TRAK1: variants seen among roughly 807,000 people sequenced by gnomAD.
TRAK1 encodes the protein trafficking kinesin-binding protein 1.
A neutral mutation model predicts 92.1 loss-of-function variants in TRAK1; 33 were observed. That is an observed-to-expected ratio of 0.36 (90% CI 0.27 to 0.48). The LOEUF (loss-of-function observed/expected upper bound fraction) is 0.48. Ranked by LOEUF, TRAK1 falls within the 20% of genes least tolerant of loss-of-function variation. The pLI is 0.99. For synonymous variants in TRAK1, 521 were observed against 517.3 expected (o/e 1.01, Z -0.10); for missense variants, 1,123 against 1,257.9 (o/e 0.89, Z 1.62).
intron 2 of TRAK1, among the ~76,000 whole-genome samples, chr3:42,143,291 CTTT>C (rs1365573494): frequency 1.1e-4 from 16 of 142,688 alleles, no homozygotes; most frequent in Admixed American, 2.1e-4. Flanking sequence ...TCTTTATCTT[CTTT>C]AATTGTACCT....
chr3:42,119,841 G>T lies in TRAK1; in HGVS notation c.92-5579G>T, dbSNP rs1709620376. On this transcript the variant is annotated intron_variant, in intron 1 of 15. Transcript: ENST00000327628. ...TGACCAAAAGGAAGAAGTGGCAATTGCATACTGGGAAACACTCAGTAGCCT... is the reference window on the plus strand; with the variant it reads ...TGACCAAAAGGAAGAAGTGGCAATTTCATACTGGGAAACACTCAGTAGCCT... 3.3e-5 allele frequency among the ~76,000 whole-genome samples: 5 copies of T among 152,306 alleles called. No homozygotes were observed. In the South Asian group the frequency reaches 1.0e-3, roughly 32 times the overall value.
At chr3:42,121,487 C>T (rs180987512) in intron 1 of TRAK1, among the ~76,000 whole-genome samples, 3 of 151,906 alleles carry the variant, frequency 2.0e-5, no homozygotes, top group African/African-American at 7.3e-5. Context: ...TCTCGATCTC[C>T]TGACCTCGTG....
chr3:42,094,642 A>G (rs1705633648), intron 1 of TRAK1, among the ~76,000 whole-genome samples: 1 of 152,078 alleles, frequency 6.6e-6, no homozygotes, highest in South Asian at 2.1e-4. Flanking sequence ...AAAGTGTTGG[A>G]ATTATAGGTA....
At chr3:42,062,166 T>C (rs943679451) in intron 1 of TRAK1, among the ~76,000 whole-genome samples, 1 of 152,296 alleles carries the variant, frequency 6.6e-6, no homozygotes, top group South Asian at 2.1e-4. Flanking sequence ...ATGTCCACTT[T>C]CCTGTGGATG....
At chr3:42,037,714 T>G (rs570806511) in intron 1 of TRAK1, among the ~76,000 whole-genome samples, 26 of 152,364 alleles carry the variant, frequency 1.7e-4, no homozygotes, top group Admixed American at 1.7e-3. Context: ...TCGTGACCTG[T>G]GTCTGGAGAG....
intron 3 of TRAK1, among the ~76,000 whole-genome samples, chr3:42,178,315 T>A (rs1287472869): frequency 6.6e-6 from 1 of 152,114 alleles, no homozygotes; most frequent in Non-Finnish European, 1.5e-5. Flanking sequence ...TCTGTAAAGC[T>A]CCTCGCTGTG....
At chr3:42,054,046 C>T (rs1670455209) in intron 1 of TRAK1, among the ~76,000 whole-genome samples, 1 of 152,182 alleles carries the variant, frequency 6.6e-6, no homozygotes. Flanking sequence ...TAGTGAGCAC[C>T]TGCTAATTAC....
At chr3:42,116,315 T>C (rs764398607) in intron 1 of TRAK1, among the ~76,000 whole-genome samples, 4 of 152,266 alleles carry the variant, frequency 2.6e-5, no homozygotes, top group Non-Finnish European at 4.4e-5. Context: ...TTTTTAGCTC[T>C]AATGTCCTCT....
At chr3:42,159,157 C>T (rs986894590) in intron 2 of TRAK1, among the ~76,000 whole-genome samples, 2 of 152,030 alleles carry the variant, frequency 1.3e-5, no homozygotes, top group Non-Finnish European at 2.9e-5. Context: ...GAATTCTCGG[C>T]CCTAAGGATT....
intron 14 of TRAK1, chr3:42,219,038 T>G (rs729822): frequency 0.43 from 419,898 of 985,104 alleles, 91,567 homozygotes; most frequent in African/African-American, 0.66. Flanking sequence ...GTTTGCAGGT[T>G]TCAAGTGCCT....
intron 1 of TRAK1, among the ~76,000 whole-genome samples, chr3:42,048,338 A>G (rs753577029): frequency 6.6e-6 from 1 of 152,124 alleles, no homozygotes; most frequent in Non-Finnish European, 1.5e-5. Flanking sequence ...CACAGTGCCC[A>G]AGAGTAATGT....
intron 3 of TRAK1, among the ~76,000 whole-genome samples, chr3:42,179,782 A>G (rs963320800): frequency 6.6e-6 from 1 of 152,236 alleles, no homozygotes; most frequent in Non-Finnish European, 1.5e-5. Flanking sequence ...TCTTGGGGGA[A>G]TAAAGGAACT....
intron 2 of TRAK1, among the ~76,000 whole-genome samples, chr3:42,162,317 A>T (rs778321654): frequency 1.8e-4 from 28 of 151,628 alleles, no homozygotes; most frequent in Non-Finnish European, 3.7e-4. Flanking sequence ...ATATAAATAT[A>T]TGACGAGAGA....
At chr3:42,210,069 G>A (rs1473824729) in intron 14 of TRAK1, 84 bp downstream of exon 14, 1 of 1,608,262 alleles carries the variant, frequency 6.2e-7, no homozygotes, top group Non-Finnish European at 8.5e-7. Flanking sequence ...GGAGATGCAG[G>A]AGCCGCCAGC....
At chr3:42,085,747 C>T (rs575519353), upstream of TRAK1, among the ~76,000 whole-genome samples, 113 of 152,234 alleles carry the variant, frequency 7.4e-4, no homozygotes, top group African/African-American at 2.6e-3. Context: ...GGTCTCAGGA[C>T]GCCTCAAAGT....
At chr3:42,196,694 C>T (rs566084555) in intron 10 of TRAK1, among the ~76,000 whole-genome samples, 174 of 128,394 alleles carry the variant, frequency 1.4e-3, no homozygotes, top group African/African-American at 4.3e-3. Flanking sequence ...TGTGCCACCA[C>T]GCCCGGCTAA....
upstream of TRAK1, among the ~76,000 whole-genome samples, chr3:42,086,080 C>T (rs532789706): frequency 5.3e-5 from 8 of 152,270 alleles, no homozygotes; most frequent in East Asian, 1.4e-3. Flanking sequence ...TCCTGTTTGA[C>T]GTTTTGTGTG....
chr3:42,148,687 A>G (rs1258219690), intron 2 of TRAK1, among the ~76,000 whole-genome samples: 2 of 152,156 alleles, frequency 1.3e-5, no homozygotes, highest in African/African-American at 4.8e-5. Context: ...CTCTATTTGT[A>G]TGTGACAGGC....
intron 1 of TRAK1, among the ~76,000 whole-genome samples, chr3:42,114,738 A>T (rs958581741): frequency 6.6e-6 from 1 of 151,696 alleles, no homozygotes; most frequent in Non-Finnish European, 1.5e-5. Context: ...TTTGAGACAG[A>T]GTCTCCCTCT....
Sources: gnomAD v4.1 joint callset for allele counts (sites outside exome capture counted in the v4.1 genomes callset) on GRCh38, gnomAD v4.1.1 for gene constraint, MANE v1.5 for transcripts, NCBI Gene and HGNC (gene_info 2026-07-23, HGNC 2026-07-21) for gene names.